Variants in SLC2A13 observed in about 807,000 individuals in gnomAD.
SLC2A13 encodes proton myo-inositol cotransporter.
Under a neutral mutation model 64.4 loss-of-function variants are expected in SLC2A13, and 32 were observed. The ratio of observed to expected loss-of-function variants is 0.50; its 90% CI spans 0.37 to 0.67. The LOEUF is 0.67. SLC2A13 is among the 30% of genes least tolerant of loss of function. The pLI, the probability that SLC2A13 is intolerant of heterozygous loss-of-function variation, is 0.00. For missense variants in SLC2A13, 743 were observed against 829.2 expected, an observed-to-expected ratio of 0.90 and a Z score of 1.28; for synonymous variants, 338 against 327.1, an observed-to-expected ratio of 1.03 and a Z score of -0.36.
At chr12:39,938,664 A>G (rs1945963889) in intron 4 of SLC2A13, among the ~76,000 whole-genome samples, 1 of 149,556 alleles carries the variant, frequency 6.7e-6, no homozygotes, top group South Asian at 2.1e-4. Context: ...TATTTTCCAC[A>G]TGGTTAGCCA....
At chr12:39,939,556 A>G (rs1310184672) in intron 4 of SLC2A13, among the ~76,000 whole-genome samples, 1 of 152,232 alleles carries the variant, frequency 6.6e-6, no homozygotes, top group Non-Finnish European at 1.5e-5. Flanking sequence ...AGTCTATCAC[A>G]TCAGGTGATA....
chr12:39,893,062 T>C (rs1344203115), intron 4 of SLC2A13, among the ~76,000 whole-genome samples: 1 of 152,192 alleles, frequency 6.6e-6, no homozygotes, highest in East Asian at 1.9e-4. Context: ...AAGGAAACCA[T>C]GATAATTTAG....
At chr12:39,887,286 T>C (rs969659660) in intron 4 of SLC2A13, among the ~76,000 whole-genome samples, 3 of 152,176 alleles carry the variant, frequency 2.0e-5, no homozygotes, top group African/African-American at 7.2e-5. Context: ...GTTAGACACC[T>C]CCAGAGATGG....
intron 7 of SLC2A13, among the ~76,000 whole-genome samples, chr12:39,779,600 G>T (rs1381170095): frequency 6.6e-6 from 1 of 152,096 alleles, no homozygotes; most frequent in Non-Finnish European, 1.5e-5. Flanking sequence ...TTCCCATTAG[G>T]CTGATCTTTT....
chr12:40,030,006 C>G (rs912722504), intron 2 of SLC2A13, among the ~76,000 whole-genome samples: 1 of 152,152 alleles, frequency 6.6e-6, no homozygotes, highest in African/African-American at 2.4e-5. Flanking sequence ...TTGTATTCAA[C>G]ATAGCATTTA....
intron 4 of SLC2A13, among the ~76,000 whole-genome samples, chr12:39,926,755 A>G (rs748746930): frequency 1.3e-5 from 2 of 152,148 alleles, no homozygotes; most frequent in Non-Finnish European, 2.9e-5. Flanking sequence ...AGCTGAGATT[A>G]CAGGCATGAG....
intron 4 of SLC2A13, among the ~76,000 whole-genome samples, chr12:39,932,824 C>T (rs1414354264): frequency 7.5e-6 from 1 of 133,886 alleles, no homozygotes. Flanking sequence ...TTTTGAGAAA[C>T]ATGAAAGAAA....
intron 3 of SLC2A13, among the ~76,000 whole-genome samples, chr12:40,018,967 G>A (rs1291400370): frequency 6.6e-6 from 1 of 152,172 alleles, no homozygotes; most frequent in Admixed American, 6.5e-5. Flanking sequence ...AGATTGTAAA[G>A]GAAGTTTAAT....
chr12:40,081,941 A>AG (rs1938418104), intron 1 of SLC2A13, among the ~76,000 whole-genome samples: 2 of 152,180 alleles, frequency 1.3e-5, no homozygotes, highest in South Asian at 2.1e-4. Context: ...GGATGATTGC[A>AG]GGGGGCCAAG....
chr12:39,788,838 C>T (rs1233003752), intron 7 of SLC2A13, among the ~76,000 whole-genome samples: 2 of 152,104 alleles, frequency 1.3e-5, no homozygotes, highest in African/African-American at 4.8e-5. Context: ...TCTAAATTTC[C>T]AGACTCAAAC....
intron 2 of SLC2A13, among the ~76,000 whole-genome samples, chr12:40,046,803 T>C (rs1007882470): frequency 6.6e-6 from 1 of 152,122 alleles, no homozygotes; most frequent in Non-Finnish European, 1.5e-5. Context: ...ACTTCACCCA[T>C]TTAGGTCTTT....
intron 2 of SLC2A13, among the ~76,000 whole-genome samples, chr12:40,030,309 T>C (rs1947884970): frequency 6.6e-6 from 1 of 152,210 alleles, no homozygotes; most frequent in Non-Finnish European, 1.5e-5. Context: ...ACTTCTGGCC[T>C]CTTCCCCTTA....
intron 4 of SLC2A13, among the ~76,000 whole-genome samples, chr12:39,881,545 A>G (rs1180844597): frequency 1.3e-5 from 2 of 152,112 alleles, no homozygotes; most frequent in African/African-American, 4.8e-5. Context: ...GGAGTCTAAG[A>G]TTTTCAGATC....
At chr12:39,800,635 T>G (rs562269375) in intron 7 of SLC2A13, among the ~76,000 whole-genome samples, 74 of 40,508 alleles carry the variant, frequency 1.8e-3, no homozygotes, top group African/African-American at 6.0e-3. Flanking sequence ...GGAACACTTT[T>G]ACACTGTTGG....
intron 1 of SLC2A13, among the ~76,000 whole-genome samples, chr12:40,083,683 G>C (rs924694382): frequency 6.6e-6 from 1 of 152,230 alleles, no homozygotes; most frequent in African/African-American, 2.4e-5. Flanking sequence ...ACTAGAAGGA[G>C]GGGGTTTCTG....
intron 1 of SLC2A13, among the ~76,000 whole-genome samples, chr12:40,096,370 A>C (rs1422003316): frequency 6.6e-6 from 1 of 152,094 alleles, no homozygotes; most frequent in Admixed American, 6.5e-5. Context: ...TATTCAGTAT[A>C]ATTTGAGGAT....
In SLC2A13 at chr12:39,795,498, C is replaced by T. The variant is rs193035167; in HGVS notation, c.1446-30640G>A. On this transcript the variant is annotated intron_variant, in intron 7 of 9. Transcript: ENST00000280871. ...ATACCTCTAATCTTTGCAGGTCCAG[C>T]TGATGACTGGGTGTTTCACTGATTC... Among the ~76,000 whole-genome samples, 797 of 152,244 alleles carry T rather than the reference C, an allele frequency of 5.2e-3. 4 individuals are homozygous for T. The highest frequency in any genetic ancestry group is 7.8e-3 in the Non-Finnish European group (533 of 68,022).
At chr12:39,888,242 T>A (rs937796667) in intron 4 of SLC2A13, among the ~76,000 whole-genome samples, 1 of 152,196 alleles carries the variant, frequency 6.6e-6, no homozygotes, top group Non-Finnish European at 1.5e-5. Flanking sequence ...TTATTTATTT[T>A]GAGAAGGAGT....
chr12:39,890,209 G>A (rs73276523), intron 4 of SLC2A13, among the ~76,000 whole-genome samples: 10,089 of 152,042 alleles, frequency 0.066, 440 homozygotes, highest in Admixed American at 0.13. Flanking sequence ...TCTCCTTACA[G>A]AGAAAACCTG....
Sources: gnomAD v4.1 joint callset for allele counts (sites outside exome capture counted in the v4.1 genomes callset) on GRCh38, gnomAD v4.1.1 for gene constraint, MANE v1.5 for transcripts, NCBI Gene and HGNC (gene_info 2026-07-23, HGNC 2026-07-21) for gene names.